IGF2BP2: variants seen among roughly 807,000 people sequenced by gnomAD.
IGF2BP2 encodes insulin-like growth factor 2 mRNA-binding protein 2.
In IGF2BP2, 17 loss-of-function variants were observed where a neutral mutation model predicts 75.8. The ratio of observed to expected loss-of-function variants is 0.22; its 90% CI spans 0.15 to 0.34. IGF2BP2 has a LOEUF of 0.34. Among genes scored for constraint, IGF2BP2 ranks in the 10% least tolerant of loss-of-function variants. The probability of loss-of-function intolerance (pLI) is 1.00; values close to 1 mark genes in which losing one functional copy is unlikely to be tolerated. For missense variants in IGF2BP2, 516 were observed against 772.4 expected (o/e 0.67, Z 3.93); for synonymous variants, 288 against 295.6 (o/e 0.97, Z 0.26).
At chr3:185,662,007 A>C (rs1204392430) in intron 10 of IGF2BP2, among the ~76,000 whole-genome samples, 3 of 151,982 alleles carry the variant, frequency 2.0e-5, no homozygotes, top group Non-Finnish European at 4.4e-5. Context: ...GGTGAATGTG[A>C]ATGAGGGTTA....
At chr3:185,808,979 G>A (rs948084086) in intron 2 of IGF2BP2, among the ~76,000 whole-genome samples, 10 of 152,122 alleles carry the variant, frequency 6.6e-5, no homozygotes, top group African/African-American at 2.4e-4. Context: ...GACTTGTCTG[G>A]TTTTTTCACA....
chr3:185,725,203 C>A (rs1422833557), intron 2 of IGF2BP2: 1 of 152,162 alleles, frequency 6.6e-6, no homozygotes, highest in African/African-American at 2.4e-5. Context: ...ATCTGTGAGT[C>A]TGATAATATG....
chr3:185,699,469 G>A (rs1651496296), intron 2 of IGF2BP2, among the ~76,000 whole-genome samples: 2 of 152,078 alleles, frequency 1.3e-5, no homozygotes, highest in Non-Finnish European at 1.5e-5. Flanking sequence ...TTTCTGAATA[G>A]GTACTACAGT....
intron 1 of IGF2BP2, 94 bp downstream of exon 1, chr3:185,824,689 G>T: frequency 1.0e-6 from 1 of 999,348 alleles, no homozygotes; most frequent in Non-Finnish European, 1.3e-6. Flanking sequence ...GGGAGCCGCC[G>T]CCGGGCGCCG....
intron 2 of IGF2BP2, among the ~76,000 whole-genome samples, chr3:185,733,581 AC>A (rs1400681102): frequency 1.3e-5 from 2 of 152,150 alleles, no homozygotes; most frequent in Non-Finnish European, 2.9e-5. Context: ...ACATGGAGAA[AC>A]CCCATGTCTA....
intron 2 of IGF2BP2, among the ~76,000 whole-genome samples, chr3:185,700,889 C>T (rs1560317968): frequency 6.6e-6 from 1 of 151,918 alleles, no homozygotes; most frequent in African/African-American, 2.4e-5. Context: ...AGTTGACAAG[C>T]ATGCACTGTC....
intron 13 of IGF2BP2, among the ~76,000 whole-genome samples, chr3:185,650,260 C>T (rs761671471): frequency 2.0e-5 from 3 of 151,620 alleles, no homozygotes; most frequent in Non-Finnish European, 4.4e-5. Flanking sequence ...GGCAGAGGAG[C>T]CAAGAACCTA....
chr3:185,816,340 G>A (rs76299787), intron 2 of IGF2BP2, among the ~76,000 whole-genome samples: 6,822 of 152,240 alleles, frequency 0.045, 176 homozygotes, highest in South Asian at 0.099. Context: ...GCACAGAGAT[G>A]GGAAGACGTG....
chr3:185,702,367 G>A (rs1723425071), intron 2 of IGF2BP2, among the ~76,000 whole-genome samples: 1 of 152,096 alleles, frequency 6.6e-6, no homozygotes, highest in Admixed American at 6.5e-5. Context: ...GACAAGAAAG[G>A]AAAGTATCTG....
chr3:185,643,799 T>TTTTTTTTTTTTG lies in IGF2BP2; in HGVS notation c.*1731_*1732insCAAAAAAAAAAA. The TTTTTTTTTTTTG allele has an allele frequency of 6.8e-6, 1 of 147,514 alleles. No homozygotes were observed. Among genetic ancestry groups the TTTTTTTTTTTTG allele is most frequent in the Non-Finnish European group, 1.5e-5 (1 of 67,170 alleles). The allele number at this position is 147,514 out of a possible 1,614,324, so 9.1% of individuals were successfully genotyped here. A position where few individuals can be genotyped will look rare whatever the true frequency, so the allele number is the denominator to read the frequency against. ...TTTTTCTTTTTTTTTTTTTTTTTTT[T>TTTTTTTTTTTTG]GTCACAGAACACTGTTTGCAGTAGA... is the stretch of plus-strand genomic sequence containing the variant. On this transcript the variant is annotated 3_prime_UTR_variant, in exon 16 of 16. Coordinates refer to ENST00000382199, the MANE Select transcript of IGF2BP2 (RefSeq NM_006548.6).
At chr3:185,653,855 T>C (rs1715002755) in intron 12 of IGF2BP2, among the ~76,000 whole-genome samples, 1 of 152,210 alleles carries the variant, frequency 6.6e-6, no homozygotes, top group Admixed American at 6.5e-5. Flanking sequence ...AGTCTAGGTC[T>C]CGAGAAAGAT....
intron 2 of IGF2BP2, among the ~76,000 whole-genome samples, chr3:185,715,288 G>A (rs1020061189): frequency 6.6e-6 from 1 of 152,190 alleles, no homozygotes; most frequent in African/African-American, 2.4e-5. Context: ...ATGCTTCCAA[G>A]GAAAGGCAAG....
chr3:185,771,439 C>CAA (rs1409378378), intron 2 of IGF2BP2, among the ~76,000 whole-genome samples: 893 of 78,352 alleles, frequency 0.011, 14 homozygotes, highest in African/African-American at 0.038. Context: ...GACTTCGTCT[C>CAA]AAAAAAAAAA....
intron 2 of IGF2BP2, among the ~76,000 whole-genome samples, chr3:185,702,230 T>A: frequency 6.6e-6 from 1 of 152,150 alleles, no homozygotes. Flanking sequence ...GCACTCCTGC[T>A]GCTGGCTGCA....
At chr3:185,756,073 A>T (rs569175236) in intron 2 of IGF2BP2, among the ~76,000 whole-genome samples, 224 of 152,322 alleles carry the variant, frequency 1.5e-3, no homozygotes, top group African/African-American at 5.2e-3. Flanking sequence ...CCTGGTAGGA[A>T]GTACTAGATC....
At chr3:185,695,698 T>C (rs898593263) in intron 4 of IGF2BP2, among the ~76,000 whole-genome samples, 11 of 152,176 alleles carry the variant, frequency 7.2e-5, no homozygotes, top group African/African-American at 2.4e-4. Context: ...AAAAAAGAGG[T>C]TGGCAGGAAG....
intron 2 of IGF2BP2, among the ~76,000 whole-genome samples, chr3:185,723,619 C>T (rs763441447): frequency 9.2e-5 from 14 of 152,282 alleles, no homozygotes; most frequent in South Asian, 2.1e-4. Context: ...TCAGGAGGAC[C>T]GAGTGTTTTT....
At chr3:185,662,539 C>T (rs1345965955) in intron 10 of IGF2BP2, among the ~76,000 whole-genome samples, 1 of 144,090 alleles carries the variant, frequency 6.9e-6, no homozygotes, top group African/African-American at 2.6e-5. Flanking sequence ...TTCCCCTTCC[C>T]ATACTTTTTT....
chr3:185,706,497 G>A (rs1301717640), intron 2 of IGF2BP2, among the ~76,000 whole-genome samples: 1 of 152,298 alleles, frequency 6.6e-6, no homozygotes, highest in East Asian at 1.9e-4. Flanking sequence ...GAGAAGACTG[G>A]TTTGACGGTT....
Sources: gnomAD v4.1 joint callset for allele counts (sites outside exome capture counted in the v4.1 genomes callset) on GRCh38, gnomAD v4.1.1 for gene constraint, MANE v1.5 for transcripts, NCBI Gene and HGNC (gene_info 2026-07-23, HGNC 2026-07-21) for gene names.